PLXNA4: variants seen among roughly 807,000 people sequenced by gnomAD.
PLXNA4 encodes plexin-A4.
A neutral mutation model predicts 191.8 loss-of-function variants in PLXNA4; 44 were observed. The ratio of observed to expected loss-of-function variants is 0.23; its 90% CI spans 0.18 to 0.29. The LOEUF (loss-of-function observed/expected upper bound fraction) is 0.29, where lower values mean the gene tolerates loss of function less well. Among genes scored for constraint, PLXNA4 ranks in the 10% least tolerant of loss-of-function variants. The probability of loss-of-function intolerance (pLI) is 1.00; values close to 1 mark genes in which losing one functional copy is unlikely to be tolerated. For synonymous variants in PLXNA4, 1,082 were observed against 1,009.5 expected (o/e 1.07, Z -1.36); for missense variants, 1,800 against 2,488.8 (o/e 0.72, Z 5.89).
Position 132,176,654 on chromosome 7 carries a change from G to A in PLXNA4, c.3875-1734C>T, listed in dbSNP as rs1194229365. Among the ~76,000 whole-genome samples, 4 of 152,278 alleles carry A rather than the reference G, an allele frequency of 2.6e-5. No homozygotes were observed. In the East Asian group the frequency reaches 7.7e-4, roughly 29 times the overall value. On this transcript the variant is annotated intron_variant, in intron 20 of 31. Coordinates refer to ENST00000321063, the MANE Select transcript of PLXNA4 (RefSeq NM_020911.2). Reference sequence around the variant, plus strand: ...TATGTCAGTGAGTGTGTAGGCATGTGCAAGTGTGAATGTCAGTGTGTATGC... The same window carrying A: ...TATGTCAGTGAGTGTGTAGGCATGTACAAGTGTGAATGTCAGTGTGTATGC...
At chr7:132,299,006 A>G (rs570525175) in intron 3 of PLXNA4, among the ~76,000 whole-genome samples, 1 of 152,370 alleles carries the variant, frequency 6.6e-6, no homozygotes, top group East Asian at 1.9e-4. Context: ...ACTAACCTAG[A>G]AAAGACATGA....
At chr7:132,563,205 CCTCCTCCTCCTCCTT>C (rs1801413303) in intron 1 of PLXNA4, among the ~76,000 whole-genome samples, 1 of 107,620 alleles carries the variant, frequency 9.3e-6, no homozygotes, top group Non-Finnish European at 2.0e-5. Context: ...TCCTCTTCCT[CCTCCTCCTCCTCCTT>C]CTCCTCCTCT....
At chr7:132,272,845 T>C (rs1279243813) in intron 4 of PLXNA4, among the ~76,000 whole-genome samples, 1 of 152,214 alleles carries the variant, frequency 6.6e-6, no homozygotes, top group Non-Finnish European at 1.5e-5. Context: ...CCAGCTCATA[T>C]TTGGCCTCCT....
chr7:132,201,115 T>G (rs960791193), intron 12 of PLXNA4, among the ~76,000 whole-genome samples: 2 of 152,166 alleles, frequency 1.3e-5, no homozygotes, highest in East Asian at 1.9e-4. Context: ...CACAGAGGAA[T>G]GCACAAAGAG....
At chr7:132,384,268 G>C in intron 3 of PLXNA4, 1 of 985,418 alleles carries the variant, frequency 1.0e-6, no homozygotes, top group Non-Finnish European at 1.2e-6. Context: ...ACTTTCACTT[G>C]TTTTCAAGTA....
intron 3 of PLXNA4, among the ~76,000 whole-genome samples, chr7:132,398,530 T>C (rs1793852413): frequency 6.6e-6 from 1 of 152,192 alleles, no homozygotes. Context: ...GCGTTTCTCC[T>C]TTTCATGAAG....
intron 2 of PLXNA4, among the ~76,000 whole-genome samples, chr7:132,601,378 A>G (rs1353594356): frequency 1.3e-5 from 2 of 152,188 alleles, no homozygotes; most frequent in Admixed American, 1.3e-4. Flanking sequence ...AGAACCCCTA[A>G]TTCTAGCTAG....
chr7:132,180,793 C>G, intron 18 of PLXNA4, 61 bp from the exon 19 acceptor site: 6 of 1,575,170 alleles, frequency 3.8e-6, no homozygotes, highest in South Asian at 1.1e-5. Flanking sequence ...TACCAGCTGG[C>G]TCTCATGTCC....
chr7:132,218,731 C>G (rs1584860107), intron 9 of PLXNA4, among the ~76,000 whole-genome samples: 1 of 152,146 alleles, frequency 6.6e-6, no homozygotes, highest in South Asian at 2.1e-4. Flanking sequence ...TAATGGCTAC[C>G]CAAGGCTCTG....
intron 6 of PLXNA4, 39 bp from the exon 7 acceptor site, chr7:132,227,643 GA>G: frequency 6.2e-7 from 1 of 1,613,380 alleles, no homozygotes; most frequent in Non-Finnish European, 8.5e-7. Flanking sequence ...GGAGGAGGGT[GA>G]AATGGGAAAA....
intron 1 of PLXNA4, among the ~76,000 whole-genome samples, chr7:132,529,457 T>C (rs951390979): frequency 6.6e-6 from 1 of 152,214 alleles, no homozygotes; most frequent in African/African-American, 2.4e-5. Flanking sequence ...ATGAAGGCTG[T>C]GTTGAAAATC....
chr7:132,490,982 G>A (rs1223688392), intron 2 of PLXNA4, among the ~76,000 whole-genome samples: 1 of 151,974 alleles, frequency 6.6e-6, no homozygotes, highest in African/African-American at 2.4e-5. Flanking sequence ...GAAGACCCTG[G>A]TAGTAGCTGG....
intron 20 of PLXNA4, among the ~76,000 whole-genome samples, chr7:132,179,304 CATACAT>C: frequency 7.8e-6 from 1 of 127,652 alleles, no homozygotes; most frequent in East Asian, 2.2e-4. Flanking sequence ...AACACATACA[CATACAT>C]ACACACACAT....
chr7:132,383,678 T>C (rs1034914850), intron 3 of PLXNA4: 3 of 982,516 alleles, frequency 3.1e-6, no homozygotes, highest in Non-Finnish European at 2.4e-6. Context: ...TGAGTGTATA[T>C]ATCAATTCCA....
intron 3 of PLXNA4, chr7:132,385,369 C>T: frequency 6.7e-7 from 1 of 1,500,562 alleles, no homozygotes; most frequent in South Asian, 1.4e-5. Flanking sequence ...TTATTCCCCT[C>T]CTCCTTTCTG....
chr7:132,302,867 TTTTG>T (rs577272215), intron 3 of PLXNA4, among the ~76,000 whole-genome samples: 31 of 152,146 alleles, frequency 2.0e-4, no homozygotes, highest in Admixed American at 9.2e-4. Flanking sequence ...TAGATTTCTT[TTTTG>T]TTTGTTTGTT....
intron 3 of PLXNA4, among the ~76,000 whole-genome samples, 195 bp downstream of exon 3, chr7:132,489,097 C>T (rs924820391): frequency 6.6e-6 from 1 of 152,240 alleles, no homozygotes; most frequent in South Asian, 2.1e-4. Flanking sequence ...TCCACACACT[C>T]ACCCCACAAC....
At chr7:132,248,912 C>A (rs1037260301) in intron 4 of PLXNA4, among the ~76,000 whole-genome samples, 3 of 152,126 alleles carry the variant, frequency 2.0e-5, no homozygotes, top group African/African-American at 7.2e-5. Flanking sequence ...TTGCCTTGAG[C>A]TTTGCAATTC....
rs1438240781 is a variant in PLXNA4 at position 132,437,172 on chromosome 7, G to A, written c.1371+52120C>T. On this transcript the variant is annotated intron_variant, in intron 3 of 31. Transcript: ENST00000321063. ...GGCTACAAGCTGATGCTCTGGAGAA[G>A]AGAATCCAATTCAGTGGCCACACCA... Among the ~76,000 whole-genome samples, 3 of 152,200 alleles carry A rather than the reference G, an allele frequency of 2.0e-5. No individual in the cohort carries two copies. In the East Asian group the frequency reaches 5.8e-4, roughly 29 times the overall value.
Sources: allele counts gnomAD v4.1 joint callset (sites outside exome capture counted in the v4.1 genomes callset), GRCh38; gene constraint gnomAD v4.1.1; transcripts MANE v1.5; gene names NCBI Gene and HGNC (gene_info 2026-07-23, HGNC 2026-07-21).